The following VPS35L variants were observed in gnomAD, a reference collection of about 807,000 sequenced individuals.
The protein encoded by VPS35L is VPS35 endosomal protein sorting factor like, also known as VPS35 endosomal protein-sorting factor-like.
A neutral mutation model predicts 133.0 loss-of-function variants in VPS35L; 83 were observed. The ratio of observed to expected loss-of-function variants is 0.62; its 90% CI spans 0.52 to 0.75. VPS35L has a LOEUF of 0.75. Among genes scored for constraint, VPS35L ranks in the 30% least tolerant of loss-of-function variants. The pLI is 0.00. For synonymous variants in VPS35L, 423 were observed against 449.9 expected, an observed-to-expected ratio of 0.94 and a Z score of 0.76; for missense variants, 1,083 against 1,206.8, an observed-to-expected ratio of 0.90 and a Z score of 1.52.
At chr16:19,592,066 A>G (rs965318352) in intron 8 of VPS35L, among the ~76,000 whole-genome samples, 192 bp downstream of exon 8, 1 of 151,658 alleles carries the variant, frequency 6.6e-6, no homozygotes, top group Admixed American at 6.6e-5. Context: ...AATTTCTAAA[A>G]TTTTATTTTT....
intron 28 of VPS35L, among the ~76,000 whole-genome samples, chr16:19,688,335 C>T (rs1042092781): frequency 2.0e-5 from 3 of 152,156 alleles, no homozygotes; most frequent in Admixed American, 6.5e-5. Flanking sequence ...CTACTTGTTT[C>T]CTCAAGACAG....
intron 5 of VPS35L, chr16:19,578,331 G>A (rs757506518): frequency 1.6e-5 from 7 of 439,810 alleles, no homozygotes; most frequent in Admixed American, 1.0e-4. Context: ...CCGAGATCGC[G>A]CCACCGCACT....
chr16:19,673,198 G>A (rs1329301607), intron 27 of VPS35L, among the ~76,000 whole-genome samples: 1 of 152,232 alleles, frequency 6.6e-6, no homozygotes, highest in African/African-American at 2.4e-5. Flanking sequence ...GATGTCTGGA[G>A]GGCAGATCCA....
At chr16:19,570,877 ATATATATATATATT>A (rs1278148583) in intron 3 of VPS35L, among the ~76,000 whole-genome samples, 3 of 53,728 alleles carry the variant, frequency 5.6e-5, no homozygotes, top group African/African-American at 2.0e-4. Context: ...ATATATATAT[ATATATATATATATT>A]TTTGAGATGA....
Position 19,637,584 on chromosome 16 carries a change from T to C in VPS35L, c.1636-10T>C. 6.6e-7 allele frequency: 1 copy of C among 1,518,448 alleles called. No homozygotes were observed. The highest frequency in any genetic ancestry group is 8.9e-7 in the Non-Finnish European group (1 of 1,120,780). The allele number at this position is 1,518,448 out of a possible 1,614,324, so 94.1% of individuals were successfully genotyped here. On this transcript the variant is annotated splice_polypyrimidine_tract_variant and intron_variant, in intron 19 of 30. Transcript: ENST00000417362. ...TTTAAAAATAATATTTTTGTTTGTT[T>C]GTTTTACAGCTTCAGTTAATAATTA... is the stretch of plus-strand genomic sequence containing the variant.
At position 19,699,601 on chromosome 16, in the gene VPS35L, C is replaced by G. The variant is rs142584344; in HGVS notation, c.2746C>G (p.Leu916Val). Residue 916 changes from leucine (L) to valine (V), a missense_variant, in exon 30 of 31, where the codon CTG becomes GTG. Physicochemically the swap from Leu to Val is conservative, Grantham distance 32. Transcript: ENST00000417362. This position sits in a 1 kb window ranked among gnomAD's most constrained non-coding sequence, Gnocchi z 4.2. ...CAAGCTCAACCAGCTCTCCGTCAAC[C>G]TGTGGCACCTGGCACAGAGGCACGG... The part of the protein sequence containing the change: ...NNKLNQLSVN[L>V]WHLAQRHGCA... 2.1e-4 allele frequency: 338 copies of G among 1,614,134 alleles called. No individual in the cohort carries two copies. The highest frequency in any genetic ancestry group is 2.7e-4 in the Non-Finnish European group (315 of 1,180,036).
chr16:19,629,666 C>A, intron 17 of VPS35L, 101 bp from the exon 18 acceptor site: 1 of 942,744 alleles, frequency 1.1e-6, no homozygotes, highest in Non-Finnish European at 1.6e-6. Flanking sequence ...AAAGGAAATT[C>A]CCGTTTCCAA....
chr16:19,614,011 CAA>C (rs1972808914), intron 12 of VPS35L, among the ~76,000 whole-genome samples: 1 of 152,110 alleles, frequency 6.6e-6, no homozygotes, highest in Non-Finnish European at 1.5e-5. Flanking sequence ...AAACAGAAAA[CAA>C]AAGCTCTGAG....
intron 27 of VPS35L, among the ~76,000 whole-genome samples, chr16:19,679,512 TTTA>T (rs869063904): frequency 7.8e-4 from 92 of 117,624 alleles, no homozygotes; most frequent in East Asian, 1.2e-3. Flanking sequence ...TATTTATTTA[TTTA>T]TTTTTTTGGA....
chr16:19,611,073 C>G (rs1251961180), intron 12 of VPS35L, among the ~76,000 whole-genome samples: 2 of 152,154 alleles, frequency 1.3e-5, no homozygotes. Flanking sequence ...CATCTCGGCT[C>G]ATTTCAACCT....
intron 23 of VPS35L, among the ~76,000 whole-genome samples, chr16:19,647,510 A>G (rs1486314159): frequency 1.3e-5 from 2 of 152,202 alleles, no homozygotes; most frequent in East Asian, 3.9e-4. Context: ...ACCTTCTGAC[A>G]AGGGGCCCCC....
chr16:19,684,176 C>G (rs1181095015), intron 28 of VPS35L, among the ~76,000 whole-genome samples: 1 of 152,076 alleles, frequency 6.6e-6, no homozygotes, highest in East Asian at 1.9e-4. Flanking sequence ...TTTGAACTTG[C>G]TAGTACAAGT....
intron 12 of VPS35L, among the ~76,000 whole-genome samples, chr16:19,611,335 A>C (rs1225390003): frequency 6.6e-6 from 1 of 152,138 alleles, no homozygotes. Flanking sequence ...TTCAGCTCAC[A>C]CAGGGGCTTT....
intron 10 of VPS35L, 186 bp from the exon 11 acceptor site, chr16:19,608,788 A>C (rs1050083910): frequency 1.8e-6 from 1 of 545,202 alleles, no homozygotes; most frequent in Non-Finnish European, 3.2e-6. Flanking sequence ...TTTATTTCAA[A>C]TAAGTATGAA....
intron 8 of VPS35L, among the ~76,000 whole-genome samples, chr16:19,593,850 G>A (rs546496895): frequency 6.6e-6 from 1 of 151,720 alleles, no homozygotes; most frequent in Non-Finnish European, 1.5e-5. Context: ...CCAGGAGGTG[G>A]AGATTGCAGT....
At chr16:19,689,035 CTCT>C (rs1389009693) in intron 28 of VPS35L, among the ~76,000 whole-genome samples, 2 of 147,544 alleles carry the variant, frequency 1.4e-5, no homozygotes, top group Admixed American at 6.8e-5. Context: ...TACCCGGTGT[CTCT>C]TCTTTTTTTT....
At chr16:19,580,955 C>T (rs1971689775) in intron 6 of VPS35L, among the ~76,000 whole-genome samples, 1 of 152,098 alleles carries the variant, frequency 6.6e-6, no homozygotes, top group East Asian at 1.9e-4. Flanking sequence ...AACAGTTGCG[C>T]TTTTTTCAAT....
chr16:19,679,208 C>T (rs1975172933), intron 27 of VPS35L, among the ~76,000 whole-genome samples: 1 of 152,032 alleles, frequency 6.6e-6, no homozygotes, highest in Admixed American at 6.6e-5. Flanking sequence ...GAAAGCAGAT[C>T]ATGGCATGGG....
intron 26 of VPS35L, among the ~76,000 whole-genome samples, chr16:19,660,831 T>G (rs1307123356): frequency 6.6e-6 from 1 of 152,164 alleles, no homozygotes; most frequent in Non-Finnish European, 1.5e-5. Context: ...AATGCTCATT[T>G]GAAAAACTTC....
Sources: allele counts gnomAD v4.1 joint callset (sites outside exome capture counted in the v4.1 genomes callset), GRCh38; gene constraint gnomAD v4.1.1; non-coding constraint Gnocchi (gnomAD v3.1); transcripts MANE v1.5; gene names NCBI Gene and HGNC (gene_info 2026-07-23, HGNC 2026-07-21).